Variants in CYLD observed in about 807,000 individuals in gnomAD.
CYLD encodes the protein CYLD lysine 63 deubiquitinase, also known as ubiquitin carboxyl-terminal hydrolase CYLD.
A neutral mutation model predicts 104.5 loss-of-function variants in CYLD; 26 were observed. The observed-to-expected ratio is 0.25, with a 90% CI of 0.18 to 0.35. The LOEUF is 0.35. Ranked by LOEUF, CYLD falls within the 10% of genes least tolerant of loss-of-function variation. The pLI is 1.00. For missense variants in CYLD, 703 were observed against 1,136.1 expected, an observed-to-expected ratio of 0.62 and a Z score of 5.48; for synonymous variants, 385 against 399.9, an observed-to-expected ratio of 0.96 and a Z score of 0.45.
intron 1 of CYLD, chr16:50,742,459 C>A: frequency 3.9e-6 from 1 of 257,084 alleles, no homozygotes; most frequent in Non-Finnish European, 7.4e-6. Context: ...GCTGCGAGTC[C>A]GGGGAGCGTG....
intron 13 of CYLD, 88 bp downstream of exon 13, chr16:50,787,034 TGGG>T: frequency 8.9e-7 from 1 of 1,124,830 alleles, no homozygotes; most frequent in South Asian, 1.3e-5. Flanking sequence ...TCTGTGTAGT[TGGG>T]GGGTTTTCTT....
At chr16:50,770,938 G>A (rs1474601469) in intron 5 of CYLD, among the ~76,000 whole-genome samples, 4 of 152,130 alleles carry the variant, frequency 2.6e-5, no homozygotes, top group Admixed American at 2.0e-4. Flanking sequence ...TCTTAATAGG[G>A]TCTTTCACAG....
In CYLD at chr16:50,801,745, T is replaced by C. The variant is rs192242759; in HGVS notation, c.*5237T>C. On this transcript the variant is annotated 3_prime_UTR_variant, in exon 19 of 19. Coordinates refer to ENST00000427738, the MANE Select transcript of CYLD (RefSeq NM_001378743.1). ...GTTCAGCATGTTTTATTTTTATTTC[T>C]TGTCTGCAGAACATCCTATATTTAT... is the stretch of plus-strand genomic sequence containing the variant. 78 of 233,314 alleles carry C rather than the reference T, an allele frequency of 3.3e-4. No individual in the cohort carries two copies. Among genetic ancestry groups the C allele is most frequent in the African/African-American group, 1.7e-3 (76 of 45,428 alleles). 14.5% of individuals were successfully genotyped at this position (233,314 alleles called of 1,614,324 possible). A position where few individuals can be genotyped will look rare whatever the true frequency, so the allele number is the denominator to read the frequency against.
chr16:50,746,092 C>T (rs117388257), intron 2 of CYLD, among the ~76,000 whole-genome samples: 3,289 of 152,168 alleles, frequency 0.022, 46 homozygotes, highest in Non-Finnish European at 0.029. Flanking sequence ...GGCTGAAGTG[C>T]GGTGGCGTGA....
At chr16:50,751,106 A>C (rs1219060263) in intron 3 of CYLD, among the ~76,000 whole-genome samples, 1 of 152,226 alleles carries the variant, frequency 6.6e-6, no homozygotes, top group Non-Finnish European at 1.5e-5. Flanking sequence ...TTTGAATCCC[A>C]GTTAAGCCAT....
chr16:50,788,949 A>G (rs1971135630), intron 14 of CYLD, among the ~76,000 whole-genome samples: 1 of 152,194 alleles, frequency 6.6e-6, no homozygotes, highest in East Asian at 1.9e-4. Context: ...TCTGGGTAGG[A>G]CAATTAAATA....
Position 50,794,072 on chromosome 16 carries a change from C to T in CYLD, c.2470-140C>T, listed in dbSNP as rs1971722522. The T allele has an allele frequency of 8.2e-6, 6 of 735,120 alleles. No individual in the cohort carries two copies. The highest frequency in any genetic ancestry group is 1.4e-5 in the Non-Finnish European group (6 of 426,492). The allele number at this position is 735,120 out of a possible 1,614,324, so 45.5% of individuals were successfully genotyped here. A position where few individuals can be genotyped will look rare whatever the true frequency, so the allele number is the denominator to read the frequency against. The stretch of plus-strand genomic sequence containing the variant: ...CCTCCCGAGTAGCTGGGACTGCAGG[C>T]GCCTGCCACCACGCCCAGCTAATTT... On this transcript the variant is annotated intron_variant, in intron 17 of 18. Coordinates refer to ENST00000427738, the MANE Select transcript of CYLD (RefSeq NM_001378743.1). This position sits in a 1 kb window ranked among gnomAD's most constrained non-coding sequence, Gnocchi z 4.1.
intron 16 of CYLD, among the ~76,000 whole-genome samples, chr16:50,793,046 T>C (rs1302507737): frequency 6.6e-6 from 1 of 152,108 alleles, no homozygotes; most frequent in Non-Finnish European, 1.5e-5. Flanking sequence ...CCAATGTGTA[T>C]GAAATGGTCA....
chr16:50,742,969 G>A, intron 2 of CYLD, 128 bp downstream of exon 2: 1 of 396,088 alleles, frequency 2.5e-6, no homozygotes, highest in Non-Finnish European at 4.4e-6. Context: ...TGGGTCAGCT[G>A]CCGGTTATTC....
In CYLD at chr16:50,779,763, G is replaced by A. The variant is rs1970036195; in HGVS notation, c.1237G>A (p.Glu413Lys). ...QPPPVNSLTT[E>K]NRFHSLPFSL... ...TCCTCCTGTGAACTCACTGACCACCGAGAACAGATTCCACTCTTTACCATT... is the reference window on the plus strand; with the variant it reads ...TCCTCCTGTGAACTCACTGACCACCAAGAACAGATTCCACTCTTTACCATT... Residue 413 changes from glutamate (E) to lysine (K), a missense_variant, in exon 9 of 19, where the codon GAG becomes AAG. Physicochemically the swap from Glu to Lys is moderately conservative, Grantham distance 56. This residue lies in a region of CYLD where 183 missense variants were observed against 212.1 expected (regional missense o/e 0.86). Coordinates refer to ENST00000427738, the MANE Select transcript of CYLD (RefSeq NM_001378743.1). 6.2e-7 allele frequency: 1 copy of A among 1,613,578 alleles called. No homozygotes were observed. Among genetic ancestry groups the A allele is most frequent in the Non-Finnish European group, 8.5e-7 (1 of 1,179,958 alleles).
chr16:50,776,285 T>TTAA lies in CYLD; in HGVS notation c.1021+11_1021+13dup. 6.3e-7 allele frequency: 1 copy of TTAA among 1,575,092 alleles called. No individual in the cohort carries two copies. Among genetic ancestry groups the TTAA allele is most frequent in the Admixed American group, 1.7e-5 (1 of 59,898 alleles). ...ATAAACCAAAGGCTACAGGTATGGA[T>TTAA]TAATAGCATATAACCTTTAGTAATT... On this transcript the variant is annotated intron_variant, in intron 7 of 18. Transcript: ENST00000427738.
intron 5 of CYLD, among the ~76,000 whole-genome samples, chr16:50,769,003 C>T (rs2150962631): frequency 6.6e-6 from 1 of 152,270 alleles, no homozygotes; most frequent in Non-Finnish European, 1.5e-5. Context: ...GCTTATTTCA[C>T]TCGACATAAT....
chr16:50,777,098 TGTA>T (rs923106783), intron 7 of CYLD, among the ~76,000 whole-genome samples: 13 of 152,272 alleles, frequency 8.5e-5, no homozygotes, highest in African/African-American at 3.1e-4. Flanking sequence ...TTAATTGTAT[TGTA>T]GTAGATCTTA....
At chr16:50,761,026 T>C (rs895622747) in intron 5 of CYLD, among the ~76,000 whole-genome samples, 8 of 152,220 alleles carry the variant, frequency 5.3e-5, no homozygotes, top group African/African-American at 1.9e-4. Context: ...AAATAGAAAT[T>C]TGCATTTCTC....
At chr16:50,755,057 A>G (rs146454969) in intron 5 of CYLD, among the ~76,000 whole-genome samples, 2 of 128,336 alleles carry the variant, frequency 1.6e-5, no homozygotes, top group African/African-American at 6.6e-5. Flanking sequence ...ATATGTATAT[A>G]TACATATAGA....
intron 5 of CYLD, among the ~76,000 whole-genome samples, 197 bp from the exon 6 acceptor site, chr16:50,774,969 T>C (rs1319058800): frequency 1.3e-5 from 2 of 152,226 alleles, no homozygotes; most frequent in Non-Finnish European, 2.9e-5. Flanking sequence ...ATGTTTAAGA[T>C]ATAGTTTAAT....
rs192669779 is a variant in CYLD at position 50,800,381 on chromosome 16, T to C, written c.*3873T>C. 1.7e-5 allele frequency: 4 copies of C among 233,328 alleles called. No homozygotes were observed. The East Asian group carries it at 2.4e-4, about 14-fold the overall frequency. The allele number at this position is 233,328 out of a possible 1,614,324, so 14.5% of individuals were successfully genotyped here. ...ATTTTGTGGTCATGTAACGTTACTG[T>C]ATTATTCTACGTAAATGTGGGTACT... is the stretch of plus-strand genomic sequence containing the variant. On this transcript the variant is annotated 3_prime_UTR_variant, in exon 19 of 19. Coordinates refer to ENST00000427738, the MANE Select transcript of CYLD (RefSeq NM_001378743.1).
intron 5 of CYLD, among the ~76,000 whole-genome samples, chr16:50,766,837 T>C (rs1260152541): frequency 6.6e-6 from 1 of 152,176 alleles, no homozygotes; most frequent in Admixed American, 6.5e-5. Flanking sequence ...TATAATCTCA[T>C]GATCAAACTT....
rs1972147277 is a variant in CYLD at position 50,797,471 on chromosome 16, A to C, written c.*963A>C. On this transcript the variant is annotated 3_prime_UTR_variant, in exon 19 of 19. Coordinates refer to ENST00000427738, the MANE Select transcript of CYLD (RefSeq NM_001378743.1). The stretch of plus-strand genomic sequence containing the variant: ...TGATCTGTCAGCCAGTACTCCCATT[A>C]AATTCAGTGTAGTTTCACTTGATAG... 4.3e-6 allele frequency: 1 copy of C among 232,414 alleles called. No individual in the cohort carries two copies. Among genetic ancestry groups the C allele is most frequent in the Admixed American group, 5.6e-5 (1 of 17,784 alleles). The allele number at this position is 232,414 out of a possible 1,614,324, so 14.4% of individuals were successfully genotyped here.
Sources: allele counts gnomAD v4.1 joint callset (sites outside exome capture counted in the v4.1 genomes callset), GRCh38; gene constraint gnomAD v4.1.1; regional missense constraint gnomAD v4.1.1; non-coding constraint Gnocchi (gnomAD v3.1); transcripts MANE v1.5; gene names NCBI Gene and HGNC (gene_info 2026-07-23, HGNC 2026-07-21).